IGLL5: variants seen among roughly 807,000 people sequenced by gnomAD.
IGLL5 encodes the protein immunoglobulin lambda-like polypeptide 5.
Under a neutral mutation model 20.9 loss-of-function variants are expected in IGLL5, and 30 were observed. That is an observed-to-expected ratio of 1.44 (90% CI 1.07 to 1.95). IGLL5 has a LOEUF of 1.95. IGLL5 is among the 30% of genes most tolerant of loss of function. The probability of loss-of-function intolerance (pLI) is 0.00; values close to 1 mark genes in which losing one functional copy is unlikely to be tolerated. For synonymous variants in IGLL5, 203 were observed against 117.3 expected, an observed-to-expected ratio of 1.73 and a Z score of -4.72; for missense variants, 475 against 270.7, an observed-to-expected ratio of 1.75 and a Z score of -5.30.
intron 1 of IGLL5, among the ~76,000 whole-genome samples, chr22:22,889,091 A>G (rs2067684787): frequency 1.3e-5 from 2 of 151,282 alleles, no homozygotes; most frequent in Admixed American, 6.6e-5. Flanking sequence ...TGATTATCAG[A>G]GTCAGATTTG....
intron 2 of IGLL5, among the ~76,000 whole-genome samples, chr22:22,894,226 C>T (rs79836308): frequency 6.6e-5 from 10 of 151,106 alleles, no homozygotes; most frequent in East Asian, 6.1e-4. Flanking sequence ...TCTAGGGGAG[C>T]AGCCCCAAGA....
At chr22:22,889,369 C>G (rs1601607755) in intron 1 of IGLL5, among the ~76,000 whole-genome samples, 6 of 151,166 alleles carry the variant, frequency 4.0e-5, no homozygotes, top group Middle Eastern at 3.7e-3. Context: ...ACCATTTTAG[C>G]AACAGGCGGC....
intron 1 of IGLL5, among the ~76,000 whole-genome samples, chr22:22,889,694 C>A (rs891232117): frequency 3.3e-5 from 5 of 151,230 alleles, no homozygotes; most frequent in African/African-American, 1.2e-4. Flanking sequence ...CTCAAAAGAT[C>A]CTCCAGCCTC....
Position 22,890,636 on chromosome 22 carries a change from T to C in IGLL5, c.206+2377T>C, listed in dbSNP as rs565819659. ...AGTGCACTTATATATCTCCCCAGGA[T>C]AGATGCCTAAAAGTGGAATTGCTGG... is the stretch of plus-strand genomic sequence containing the variant. On this transcript the variant is annotated intron_variant, in intron 1 of 2. Transcript: ENST00000526893. Among the ~76,000 whole-genome samples, 12 of 149,196 alleles carry C rather than the reference T, an allele frequency of 8.0e-5. 1 individual carries two copies. In the South Asian group the frequency reaches 2.2e-3, roughly 27 times the overall value.
chr22:22,895,083 A>G (rs2066721878), intron 2 of IGLL5, among the ~76,000 whole-genome samples: 1 of 151,372 alleles, frequency 6.6e-6, no homozygotes, highest in Admixed American at 6.6e-5. Context: ...CAGAGATCAG[A>G]GAAGAAGGAA....
At position 22,888,214 on chromosome 22, in the gene IGLL5, C is replaced by G. The variant is rs762998471; in HGVS notation, c.161C>G (p.Ala54Gly). 2.6e-6 allele frequency: 4 copies of G among 1,548,380 alleles called. No individual in the cohort carries two copies. The highest frequency in any genetic ancestry group is 2.6e-6 in the Non-Finnish European group (3 of 1,146,496). Residue 54 changes from alanine to glycine, a missense_variant, in exon 1 of 3, where the codon GCC (alanine) becomes GGC (glycine). By Grantham distance (60) the Ala-to-Gly change is moderately conservative. Coordinates refer to ENST00000526893, the MANE Select transcript of IGLL5 (RefSeq NM_001178126.2). The stretch of plus-strand genomic sequence containing the variant: ...CAAAGCGGGGACCCAGACCCTGGAG[C>G]CTCAGTTGGAAGCAGCCGATCCAGC... Reference protein sequence around the residue: ...APQSGDPDPGASVGSSRSSLR... With the variant: ...APQSGDPDPGGSVGSSRSSLR...
chr22:22,891,904 CGT>C (rs370440912), intron 1 of IGLL5, among the ~76,000 whole-genome samples: 17 of 149,944 alleles, frequency 1.1e-4, no homozygotes, highest in East Asian at 2.0e-4. Context: ...GCTGATTCTC[CGT>C]GTGTGTGTGT....
Position 22,887,821 on chromosome 22 carries a change from C to T in IGLL5, c.-233C>T, listed in dbSNP as rs381819. ...AGGCAGTTGAGCCCTGGATTGTGAC[C>T]GCTTCAGGGCAGTTGGTAGATGCCC... is the stretch of plus-strand genomic sequence containing the variant. On this transcript the variant is annotated 5_prime_UTR_variant, in exon 1 of 3. Transcript: ENST00000526893. 425,201 of 590,394 alleles carry T rather than the reference C, an allele frequency of 0.72. 155,050 individuals carry two copies. The highest frequency in any genetic ancestry group is 0.89 in the East Asian group (31,570 of 35,416). 36.6% of individuals were successfully genotyped at this position (590,394 alleles called of 1,614,324 possible).
intron 1 of IGLL5, 119 bp downstream of exon 1, chr22:22,888,378 G>T (rs576626055): frequency 5.0e-6 from 4 of 800,688 alleles, no homozygotes; most frequent in African/African-American, 1.8e-5. Flanking sequence ...AGGGGCCTGG[G>T]CTGACACTGG....
chr22:22,887,951 G>A lies in IGLL5; in HGVS notation c.-103G>A, dbSNP rs989283587. The A allele has an allele frequency of 2.2e-6, 2 of 893,558 alleles. No individual in the cohort carries two copies. The highest frequency in any genetic ancestry group is 1.7e-5 in the African/African-American group (1 of 60,154). 55.4% of individuals were successfully genotyped at this position (893,558 alleles called of 1,614,324 possible). ...GGGAGAGGACAGAGCCAATGGACTG[G>A]GGTGTACTGTAACAGCCCTGCTGGC... On this transcript the variant is annotated 5_prime_UTR_variant, in exon 1 of 3. It introduces an in-frame stop codon into an upstream open reading frame of the 5' UTR. Transcript: ENST00000526893.
chr22:22,888,260 G>C lies in IGLL5; in HGVS notation c.206+1G>C, dbSNP rs769556163. Reference sequence around the variant, plus strand: ...CCAGCCTGCGGAGCCTGTGGGGCAGGTAAGGGGCAAGAGATTCCAGGGGAT... The same window carrying C: ...CCAGCCTGCGGAGCCTGTGGGGCAGCTAAGGGGCAAGAGATTCCAGGGGAT... On this transcript the variant is annotated splice_donor_variant, in intron 1 of 2. Coordinates refer to ENST00000526893, the MANE Select transcript of IGLL5 (RefSeq NM_001178126.2). LOFTEE classifies it high-confidence loss of function. The C allele has an allele frequency of 1.2e-5, 19 of 1,547,214 alleles. 1 individual carries two copies. The highest frequency in any genetic ancestry group is 5.9e-5 in the Admixed American group (3 of 50,730).
intron 2 of IGLL5, among the ~76,000 whole-genome samples, chr22:22,894,138 T>G (rs184117924): frequency 3.3e-5 from 5 of 151,352 alleles, no homozygotes; most frequent in South Asian, 2.1e-4. Flanking sequence ...GCAGTGTCCT[T>G]AGGGACATTG....
chr22:22,888,889 A>C (rs538776144), intron 1 of IGLL5, among the ~76,000 whole-genome samples: 1 of 151,304 alleles, frequency 6.6e-6, no homozygotes, highest in Admixed American at 6.6e-5. Context: ...GATGATGCCC[A>C]GGCTGGTCTC....
In IGLL5 at chr22:22,889,125, G is replaced by A. The variant is rs540166386; in HGVS notation, c.206+866G>A. ...TGTGTTTTTGGAAAAATCAGCACCG[G>A]ATTGGAGGCTGATGCGACGCCCGAT... On this transcript the variant is annotated intron_variant, in intron 1 of 2. Coordinates refer to ENST00000526893, the MANE Select transcript of IGLL5 (RefSeq NM_001178126.2). Among the ~76,000 whole-genome samples, 5 of 151,182 alleles carry A rather than the reference G, an allele frequency of 3.3e-5. 1 individual carries two copies. Among genetic ancestry groups the A allele is most frequent in the South Asian group, 2.1e-4 (1 of 4,722 alleles).
chr22:22,889,356 A>G (rs549451189), intron 1 of IGLL5, among the ~76,000 whole-genome samples: 7 of 151,156 alleles, frequency 4.6e-5, no homozygotes, highest in East Asian at 2.0e-4. Flanking sequence ...TTAAAAATGT[A>G]TAACCATTTT....
intron 2 of IGLL5, 98 bp downstream of exon 2, chr22:22,893,916 G>T (rs2067947137): frequency 1.2e-6 from 1 of 865,212 alleles, no homozygotes; most frequent in Non-Finnish European, 2.0e-6. Flanking sequence ...TGTCCTCCCA[G>T]CCTTAAGCAC....
intron 2 of IGLL5, 57 bp downstream of exon 2, chr22:22,893,875 C>A (rs1320128955): frequency 1.7e-6 from 2 of 1,204,676 alleles, no homozygotes; most frequent in Non-Finnish European, 2.5e-6. Context: ...CCTGGAAAAT[C>A]TGTTTTCTCT....
intron 1 of IGLL5, among the ~76,000 whole-genome samples, chr22:22,888,851 A>G (rs560916144): frequency 2.0e-5 from 3 of 151,392 alleles, no homozygotes; most frequent in South Asian, 2.1e-4. Context: ...TGTTTGGAGC[A>G]ATAAAGGGAG....
chr22:22,889,181 A>C (rs2067693948), intron 1 of IGLL5, among the ~76,000 whole-genome samples: 3 of 151,168 alleles, frequency 2.0e-5, no homozygotes, highest in East Asian at 2.0e-4. Flanking sequence ...GTGATGGCCA[A>C]GTCCAGGGTA....
Sources: allele counts gnomAD v4.1 joint callset (sites outside exome capture counted in the v4.1 genomes callset), GRCh38; gene constraint gnomAD v4.1.1; transcripts MANE v1.5; gene names NCBI Gene and HGNC (gene_info 2026-07-23, HGNC 2026-07-21).